The following TBC1D5 variants were observed in gnomAD, a reference collection of about 807,000 sequenced individuals.
TBC1D5 encodes the protein TBC1 domain family member 5.
Under a neutral mutation model 100.3 loss-of-function variants are expected in TBC1D5, and 75 were observed. The observed-to-expected ratio is 0.75, with a 90% CI of 0.62 to 0.91. TBC1D5 has a LOEUF of 0.91. Ranked by LOEUF, TBC1D5 falls within the 40% of genes least tolerant of loss-of-function variation. The probability of loss-of-function intolerance (pLI) is 0.00; values close to 1 mark genes in which losing one functional copy is unlikely to be tolerated. For synonymous variants in TBC1D5, 323 were observed against 325.6 expected, an observed-to-expected ratio of 0.99 and a Z score of 0.09; for missense variants, 910 against 942.4, an observed-to-expected ratio of 0.97 and a Z score of 0.45.
intron 14 of TBC1D5, among the ~76,000 whole-genome samples, chr3:17,301,312 G>A (rs2082807307): frequency 6.6e-6 from 1 of 152,148 alleles, no homozygotes; most frequent in Non-Finnish European, 1.5e-5. Context: ...GAAAATTTCA[G>A]CTAGTTTTAA....
At chr3:17,292,142 G>C (rs1208878165) in intron 14 of TBC1D5, 141 bp from the exon 15 acceptor site, 1 of 700,786 alleles carries the variant, frequency 1.4e-6, no homozygotes, top group Non-Finnish European at 2.3e-6. Context: ...GTAGGAAGAA[G>C]GGATCTTTAC....
At chr3:17,479,025 T>C (rs115639409) in intron 3 of TBC1D5, among the ~76,000 whole-genome samples, 1,698 of 152,348 alleles carry the variant, frequency 0.011, 31 homozygotes, top group African/African-American at 0.038. Flanking sequence ...ACACTATCTA[T>C]GAATAACATG....
rs149269989 is a variant in TBC1D5 at position 17,400,515 on chromosome 3, G to A, written c.509+2666C>T. On this transcript the variant is annotated intron_variant, in intron 8 of 21. Transcript: ENST00000253692. ...GAGACTTAATCTAAATGTGGAGAGA[G>A]CCATGGGAGAGTCTTCAAGAGAATA... Among the ~76,000 whole-genome samples the A allele has an allele frequency of 5.9e-5, 9 of 152,232 alleles. No homozygotes were observed. The East Asian group carries it at 1.2e-3, about 20-fold the overall frequency.
At chr3:17,618,192 C>A (rs1293878502) in intron 2 of TBC1D5, among the ~76,000 whole-genome samples, 3 of 152,196 alleles carry the variant, frequency 2.0e-5, no homozygotes, top group Non-Finnish European at 4.4e-5. Flanking sequence ...TGGAGGTCCA[C>A]TCCAGACTCT....
At chr3:17,623,908 A>T (rs945938397) in exon 2 of TBC1D5, 3 of 151,972 alleles carry the variant, frequency 2.0e-5, no homozygotes. Flanking sequence ...CTTGATACTG[A>T]TATCACTGAA....
intron 16 of TBC1D5, among the ~76,000 whole-genome samples, chr3:17,242,447 T>G (rs139303335): frequency 0.012 from 1,872 of 152,154 alleles, 32 homozygotes; most frequent in African/African-American, 0.042. Context: ...TCATTTCAAA[T>G]TATTTTTCTC....
chr3:17,554,897 T>C (rs1395465658), intron 2 of TBC1D5, among the ~76,000 whole-genome samples: 1 of 151,910 alleles, frequency 6.6e-6, no homozygotes, highest in Non-Finnish European at 1.5e-5. Flanking sequence ...GTCGCCAGGC[T>C]GGAGTGCAGT....
chr3:17,439,472 T>C (rs538970765), intron 3 of TBC1D5, among the ~76,000 whole-genome samples: 1 of 152,300 alleles, frequency 6.6e-6, no homozygotes, highest in Non-Finnish European at 1.5e-5. Context: ...TCTTTAGTCT[T>C]ATAAAAGATT....
chr3:17,196,998 C>G (rs986980301), intron 18 of TBC1D5, among the ~76,000 whole-genome samples: 2 of 152,158 alleles, frequency 1.3e-5, no homozygotes, highest in Admixed American at 1.3e-4. Flanking sequence ...CGCAGCTACA[C>G]GTAGGAATGC....
chr3:17,722,174 TATC>T (rs150649776), intron 1 of TBC1D5, among the ~76,000 whole-genome samples: 2,511 of 152,294 alleles, frequency 0.016, 50 homozygotes, highest in South Asian at 0.047. Context: ...ATATTAAAAG[TATC>T]ATCAATTCTT....
At chr3:17,295,697 TGA>T (rs2082179297) in intron 14 of TBC1D5, among the ~76,000 whole-genome samples, 1 of 152,248 alleles carries the variant, frequency 6.6e-6, no homozygotes, top group African/African-American at 2.4e-5. Flanking sequence ...AAGTTCATAT[TGA>T]GATATACTTT....
chr3:17,243,652 T>C (rs2076493451), intron 16 of TBC1D5, among the ~76,000 whole-genome samples: 1 of 152,176 alleles, frequency 6.6e-6, no homozygotes, highest in Non-Finnish European at 1.5e-5. Context: ...TAAAACTTTT[T>C]ATAATTGCAC....
rs938240587 is a variant in TBC1D5, at chr3:17,298,955, G to A, written c.1139-6954C>T. Among the ~76,000 whole-genome samples the A allele has an allele frequency of 4.6e-5, 7 of 152,060 alleles. No individual in the cohort carries two copies. In the South Asian group the frequency reaches 6.2e-4, roughly 14 times the overall value. ...CCTCAAATAGTATTCAGCCCTATAC[G>A]TACTATGCTTTTTTCTATACATACA... is the stretch of plus-strand genomic sequence containing the variant. On this transcript the variant is annotated intron_variant, in intron 14 of 21. Coordinates refer to ENST00000253692, the Ensembl canonical transcript of TBC1D5.
At chr3:17,671,081 C>G (rs1424785178) in intron 1 of TBC1D5, among the ~76,000 whole-genome samples, 1 of 152,214 alleles carries the variant, frequency 6.6e-6, no homozygotes, top group African/African-American at 2.4e-5. Flanking sequence ...TCCGTATCTT[C>G]CAATCATTAA....
chr3:17,562,506 T>C (rs2096565705), intron 2 of TBC1D5, among the ~76,000 whole-genome samples: 1 of 150,492 alleles, frequency 6.6e-6, no homozygotes, highest in Non-Finnish European at 1.5e-5. Context: ...TAAGACTGCA[T>C]GACTTAAAAC....
chr3:17,193,411 C>T (rs961218349), intron 18 of TBC1D5, among the ~76,000 whole-genome samples: 1 of 152,166 alleles, frequency 6.6e-6, no homozygotes, highest in Non-Finnish European at 1.5e-5. Flanking sequence ...GGTTTACATG[C>T]GAAGAGTTTC....
At chr3:17,302,056 C>T (rs2082896776) in intron 14 of TBC1D5, among the ~76,000 whole-genome samples, 1 of 152,094 alleles carries the variant, frequency 6.6e-6, no homozygotes, top group Non-Finnish European at 1.5e-5. Flanking sequence ...GCTAGAAGTC[C>T]AAAATCAAAG....
At chr3:17,176,003 G>GGCT (rs1362286809) in intron 19 of TBC1D5, among the ~76,000 whole-genome samples, 1 of 152,206 alleles carries the variant, frequency 6.6e-6, no homozygotes, top group African/African-American at 2.4e-5. Flanking sequence ...TGGGTTTTGT[G>GGCT]GCTATTGGAT....
At chr3:17,334,105 AGT>A (rs2087295411) in intron 13 of TBC1D5, among the ~76,000 whole-genome samples, 2 of 152,054 alleles carry the variant, frequency 1.3e-5, no homozygotes, top group South Asian at 4.1e-4. Context: ...TAAGGTGACA[AGT>A]CAGAGAGTAG....
Sources: gnomAD v4.1 joint callset for allele counts (sites outside exome capture counted in the v4.1 genomes callset) on GRCh38, gnomAD v4.1.1 for gene constraint, MANE v1.5 for transcripts, NCBI Gene and HGNC (gene_info 2026-07-23, HGNC 2026-07-21) for gene names.